Variants in TMEM132D observed in about 807,000 individuals in gnomAD.
TMEM132D encodes transmembrane protein 132D, also known as mature OL transmembrane protein.
Under a neutral mutation model 62.3 loss-of-function variants are expected in TMEM132D, and 21 were observed. The observed-to-expected ratio is 0.34, with a 90% CI of 0.24 to 0.49. The LOEUF (loss-of-function observed/expected upper bound fraction) is 0.49, where lower values mean the gene tolerates loss of function less well. Among genes scored for constraint, TMEM132D ranks in the 20% least tolerant of loss-of-function variants. The probability of loss-of-function intolerance (pLI) is 0.99; values close to 1 mark genes in which losing one functional copy is unlikely to be tolerated. For missense variants in TMEM132D, 1,346 were observed against 1,402.8 expected (o/e 0.96, Z 0.65); for synonymous variants, 621 against 575.6 (o/e 1.08, Z -1.13).
chr12:129,188,755 GA>G (rs1878292028), intron 5 of TMEM132D, among the ~76,000 whole-genome samples: 4 of 56,966 alleles, frequency 7.0e-5, no homozygotes, highest in African/African-American at 1.6e-4. Context: ...GAGGGGGAGG[GA>G]GAGAGGGAGA....
At chr12:129,835,293 T>C (rs1452318357) in intron 1 of TMEM132D, among the ~76,000 whole-genome samples, 1 of 152,076 alleles carries the variant, frequency 6.6e-6, no homozygotes, top group African/African-American at 2.4e-5. Flanking sequence ...GAGGGGTTCG[T>C]CTTTGTTTTT....
At chr12:129,383,536 G>T (rs1408732812) in intron 3 of TMEM132D, among the ~76,000 whole-genome samples, 1 of 152,116 alleles carries the variant, frequency 6.6e-6, no homozygotes, top group Non-Finnish European at 1.5e-5. Context: ...TGCACCCTCT[G>T]CCTCCTGGGT....
rs548077428 is a variant in TMEM132D, at chr12:129,481,429, C to T, written c.1115+49630G>A. 6.6e-4 allele frequency among the ~76,000 whole-genome samples: 98 copies of T among 149,460 alleles called. 2 individuals carry two copies. The Middle Eastern group carries it at 0.01, about 16-fold the overall frequency. ...TGTGGGTTATGATACCACCACTGCA[C>T]TCCAGCCCGGGTGACAGAATGAGAC... On this transcript the variant is annotated intron_variant, in intron 3 of 8. Coordinates refer to ENST00000422113, the MANE Select transcript of TMEM132D (RefSeq NM_133448.3).
At chr12:129,553,548 C>A (rs182813304) in intron 2 of TMEM132D, among the ~76,000 whole-genome samples, 1 of 152,152 alleles carries the variant, frequency 6.6e-6, no homozygotes, top group African/African-American at 2.4e-5. Flanking sequence ...GGAGAGGGAG[C>A]GTGGATACCA....
chr12:129,300,511 C>T (rs1881687852), intron 4 of TMEM132D, among the ~76,000 whole-genome samples: 1 of 152,152 alleles, frequency 6.6e-6, no homozygotes, highest in Non-Finnish European at 1.5e-5. Flanking sequence ...AACTTAGTGG[C>T]TTGAAACAAC....
At chr12:129,585,816 T>TGC (rs1878011643) in intron 2 of TMEM132D, among the ~76,000 whole-genome samples, 1 of 15,598 alleles carries the variant, frequency 6.4e-5, no homozygotes, top group Admixed American at 7.8e-4. Context: ...TATGCATGCA[T>TGC]GTGTGTGTGT....
At chr12:129,484,406 A>G (rs1242815942) in intron 3 of TMEM132D, among the ~76,000 whole-genome samples, 2 of 152,240 alleles carry the variant, frequency 1.3e-5, no homozygotes, top group Non-Finnish European at 2.9e-5. Context: ...CAATAGAGTA[A>G]TTAAATGTCT....
rs192704616 is a variant in TMEM132D at position 129,334,489 on chromosome 12, C to T, written c.1299+3145G>A. ...CAAGGTTAAAATAAGGCACCTTGCTCTGGGAAGACTCAGAACCACTACCAA... is the reference window on the plus strand; with the variant it reads ...CAAGGTTAAAATAAGGCACCTTGCTTTGGGAAGACTCAGAACCACTACCAA... On this transcript the variant is annotated intron_variant, in intron 4 of 8. Coordinates refer to ENST00000422113, the MANE Select transcript of TMEM132D (RefSeq NM_133448.3). 2.2e-3 allele frequency among the ~76,000 whole-genome samples: 328 copies of T among 152,308 alleles called. 1 individual carries two copies. The highest frequency in any genetic ancestry group is 7.6e-3 in the African/African-American group (317 of 41,564).
In TMEM132D at chr12:129,356,698, A is replaced by AAATAAATT. The variant is rs1275468689; in HGVS notation, c.1116-18882_1116-18881insAATTTATT. 6.6e-4 allele frequency among the ~76,000 whole-genome samples: 93 copies of AAATAAATT among 140,670 alleles called. 1 individual carries two copies. Among genetic ancestry groups the AAATAAATT allele is most frequent in the African/African-American group, 2.3e-3 (87 of 38,108 alleles). 92.3% of individuals were successfully genotyped at this position (140,670 alleles called of 152,430 possible). A position where few individuals can be genotyped will look rare whatever the true frequency, so the allele number is the denominator to read the frequency against. On this transcript the variant is annotated intron_variant, in intron 3 of 8. Transcript: ENST00000422113. ...TAAATAAATAAATAAATAAATAAAT[A>AAATAAATT]AAATAAAAATACAAAAATTAGCCAG...
At chr12:129,225,887 G>A (rs1305592090) in intron 4 of TMEM132D, among the ~76,000 whole-genome samples, 3 of 152,154 alleles carry the variant, frequency 2.0e-5, no homozygotes, top group Admixed American at 6.5e-5. Flanking sequence ...GCCACTCACA[G>A]TGTGAGCATC....
intron 1 of TMEM132D, among the ~76,000 whole-genome samples, chr12:129,716,070 T>G (rs144447619): frequency 2.4e-4 from 37 of 152,304 alleles, no homozygotes; most frequent in African/African-American, 8.9e-4. Flanking sequence ...TAGATAAATC[T>G]CACTTTTTCA....
intron 3 of TMEM132D, among the ~76,000 whole-genome samples, chr12:129,379,596 T>G (rs1276854535): frequency 1.3e-5 from 2 of 152,196 alleles, no homozygotes; most frequent in Non-Finnish European, 2.9e-5. Context: ...TTTGTGCCTG[T>G]GTGAGTCTGA....
At chr12:129,601,268 G>C (rs1020384471) in intron 2 of TMEM132D, among the ~76,000 whole-genome samples, 1 of 152,124 alleles carries the variant, frequency 6.6e-6, no homozygotes, top group African/African-American at 2.4e-5. Context: ...AGCCTTCATA[G>C]AACTGAAAAG....
At chr12:129,570,078 A>G (rs574441059) in intron 2 of TMEM132D, among the ~76,000 whole-genome samples, 1 of 152,338 alleles carries the variant, frequency 6.6e-6, no homozygotes, top group East Asian at 1.9e-4. Context: ...TAAATCAACC[A>G]GAAGTGCCAT....
Position 129,700,216 on chromosome 12 carries a change from C to G in TMEM132D, c.562G>C (p.Asp188His), listed in dbSNP as rs369816529. ...EVRGSCRLQGDLGLCVAELEL... is the reference protein window; with the variant it reads ...EVRGSCRLQGHLGLCVAELEL... Reference sequence around the variant, plus strand: ...AGCTCGGCCACGCACAGCCCCAGGTCCCCCTGCAGCCGGCAGCTGCCCCGC... The same window carrying G: ...AGCTCGGCCACGCACAGCCCCAGGTGCCCCTGCAGCCGGCAGCTGCCCCGC... Residue 188 changes from aspartate (D) to histidine (H), a missense_variant, in exon 2 of 9, where the codon GAC (aspartate) becomes CAC (histidine). Physicochemically the swap from Asp to His is moderately conservative, Grantham distance 81 (BLOSUM62 -1). Transcript: ENST00000422113. 1 of 1,612,844 alleles carries G rather than the reference C, an allele frequency of 6.2e-7. No individual in the cohort carries two copies. The highest frequency in any genetic ancestry group is 8.5e-7 in the Non-Finnish European group (1 of 1,179,924).
intron 4 of TMEM132D, among the ~76,000 whole-genome samples, chr12:129,312,015 G>A (rs983471754): frequency 6.6e-6 from 1 of 152,182 alleles, no homozygotes; most frequent in Admixed American, 6.5e-5. Context: ...AAGGCTATGT[G>A]ACTTGTATTT....
intron 3 of TMEM132D, among the ~76,000 whole-genome samples, chr12:129,423,441 G>A (rs1872388750): frequency 6.6e-6 from 1 of 152,176 alleles, no homozygotes; most frequent in South Asian, 2.1e-4. Context: ...TGGGGATCTG[G>A]TTCTTCTAGG....
At chr12:129,420,797 A>G (rs1303164450) in intron 3 of TMEM132D, among the ~76,000 whole-genome samples, 1 of 151,850 alleles carries the variant, frequency 6.6e-6, no homozygotes, top group African/African-American at 2.4e-5. Flanking sequence ...GACATTGAAC[A>G]CTTCGTGGGA....
intron 3 of TMEM132D, among the ~76,000 whole-genome samples, chr12:129,382,335 A>C (rs1374144595): frequency 1.3e-5 from 2 of 152,228 alleles, no homozygotes; most frequent in Non-Finnish European, 2.9e-5. Context: ...AGGAGTATTC[A>C]ATTACCAAGT....
Sources: allele counts gnomAD v4.1 joint callset (sites outside exome capture counted in the v4.1 genomes callset), GRCh38; gene constraint gnomAD v4.1.1; transcripts MANE v1.5; gene names NCBI Gene and HGNC (gene_info 2026-07-23, HGNC 2026-07-21).